Variants in ABCA13 observed in about 807,000 individuals in gnomAD.
ABCA13 encodes the protein ATP-binding cassette sub-family A member 13.
In ABCA13, 476 loss-of-function variants were observed where a neutral mutation model predicts 478.7. The observed-to-expected ratio is 0.99, with a 90% CI of 0.92 to 1.07. The LOEUF is 1.07. ABCA13 is among the 50% of genes least tolerant of loss of function. ABCA13 has a pLI of 0.00. For synonymous variants in ABCA13, 2,252 were observed against 2,158.9 expected (o/e 1.04, Z -1.20); for missense variants, 6,060 against 5,910.6 (o/e 1.03, Z -0.83).
At chr7:48,382,085 C>T (rs1814478354) in intron 35 of ABCA13, among the ~76,000 whole-genome samples, 1 of 152,112 alleles carries the variant, frequency 6.6e-6, no homozygotes, top group Non-Finnish European at 1.5e-5. Flanking sequence ...TTTTTCATAA[C>T]TCTGGAATGT....
chr7:48,511,200 G>A lies in ABCA13; in HGVS notation c.13640+1G>A. 1 of 1,607,516 alleles carries A rather than the reference G, an allele frequency of 6.2e-7. No homozygotes were observed. The highest frequency in any genetic ancestry group is 8.5e-7 in the Non-Finnish European group (1 of 1,176,800). On this transcript the variant is annotated splice_donor_variant, in intron 51 of 61. Transcript: ENST00000435803. LOFTEE classifies it high-confidence loss of function. ...CGGCCCTCCTGCTGTCACTTTTCGG[G>A]TATGTGATGAGAAACGCTGCTGCAG... is the stretch of plus-strand genomic sequence containing the variant.
chr7:48,291,768 T>G (rs1053182462), intron 20 of ABCA13, among the ~76,000 whole-genome samples: 2 of 152,104 alleles, frequency 1.3e-5, no homozygotes. Flanking sequence ...GCGGCTAACA[T>G]AGACAGCAGA....
At chr7:48,305,609 A>G (rs1237672077) in intron 23 of ABCA13, among the ~76,000 whole-genome samples, 1 of 151,878 alleles carries the variant, frequency 6.6e-6, no homozygotes, top group Admixed American at 6.6e-5. Flanking sequence ...TGCTTTCCCA[A>G]CCTCTGAGTC....
chr7:48,175,191 A>G (rs1794671680), intron 1 of ABCA13, among the ~76,000 whole-genome samples: 1 of 152,166 alleles, frequency 6.6e-6, no homozygotes, highest in Non-Finnish European at 1.5e-5. Context: ...CTAACTGTAA[A>G]TCAGTCTAAT....
At chr7:48,582,576 C>T (rs1419867328) in intron 56 of ABCA13, among the ~76,000 whole-genome samples, 1 of 152,128 alleles carries the variant, frequency 6.6e-6, no homozygotes, top group Non-Finnish European at 1.5e-5. Flanking sequence ...ATTGTAAGCT[C>T]TATGATTCTA....
chr7:48,583,560 T>A (rs79434718), intron 56 of ABCA13, among the ~76,000 whole-genome samples: 1,825 of 152,284 alleles, frequency 0.012, 14 homozygotes, highest in Non-Finnish European at 0.019. Flanking sequence ...GGGATTTCCA[T>A]CCCAGTGCAT....
At chr7:48,579,428 A>G (rs1241688313) in intron 55 of ABCA13, among the ~76,000 whole-genome samples, 1 of 152,252 alleles carries the variant, frequency 6.6e-6, no homozygotes, top group African/African-American at 2.4e-5. Context: ...CAATGCATCT[A>G]TATAGCTAAT....
intron 59 of ABCA13, among the ~76,000 whole-genome samples, chr7:48,616,135 T>G (rs528937194): frequency 3.3e-5 from 5 of 152,306 alleles, no homozygotes; most frequent in Admixed American, 3.3e-4. Flanking sequence ...ATTTATTCAG[T>G]GTTTTTAAGG....
intron 16 of ABCA13, among the ~76,000 whole-genome samples, chr7:48,269,503 A>T (rs1161443729): frequency 6.6e-6 from 1 of 152,184 alleles, no homozygotes; most frequent in Non-Finnish European, 1.5e-5. Flanking sequence ...TTGGAACTAA[A>T]TTTGTCGGAC....
chr7:48,314,222 A>G lies in ABCA13; in HGVS notation c.9682-10A>G, dbSNP rs367689917. 3.3e-5 allele frequency: 53 copies of G among 1,604,574 alleles called. No individual in the cohort carries two copies. The highest frequency in any genetic ancestry group is 2.6e-4 in the Admixed American group (15 of 57,274). ...TATGTAATTGCAATTTAGTTTTCTT[A>G]TTTTCTCAGGTTTCACAAAATGTCC... On this transcript the variant is annotated splice_polypyrimidine_tract_variant and intron_variant, in intron 25 of 61. Coordinates refer to ENST00000435803, the MANE Select transcript of ABCA13 (RefSeq NM_152701.5).
At chr7:48,624,533 G>GTTGTTGTTT (rs1014142931) in intron 59 of ABCA13, among the ~76,000 whole-genome samples, 1 of 11,842 alleles carries the variant, frequency 8.4e-5, no homozygotes, top group African/African-American at 4.2e-3. Context: ...TTTTGTTGTC[G>GTTGTTGTTT]TTGTTGTTGT....
intron 55 of ABCA13, among the ~76,000 whole-genome samples, chr7:48,551,510 C>T (rs1288393245): frequency 6.6e-6 from 1 of 151,490 alleles, no homozygotes; most frequent in Non-Finnish European, 1.5e-5. Flanking sequence ...TTAGATCTGT[C>T]CTTTTTCTCT....
At chr7:48,640,842 C>T (rs534787098) in intron 59 of ABCA13, among the ~76,000 whole-genome samples, 10 of 152,170 alleles carry the variant, frequency 6.6e-5, no homozygotes, top group East Asian at 5.8e-4. Flanking sequence ...TATAATTTTA[C>T]GTTTAGAAGT....
At chr7:48,466,074 G>C (rs1326004109) in intron 43 of ABCA13, among the ~76,000 whole-genome samples, 1 of 152,134 alleles carries the variant, frequency 6.6e-6, no homozygotes, top group Non-Finnish European at 1.5e-5. Context: ...ATAATGCAAT[G>C]TAAGTTCTGA....
chr7:48,602,937 T>C (rs936937955), intron 58 of ABCA13, among the ~76,000 whole-genome samples: 2 of 152,166 alleles, frequency 1.3e-5, no homozygotes, highest in African/African-American at 2.4e-5. Context: ...CTTGAAGAGG[T>C]ACTTCACATT....
At position 48,608,553 on chromosome 7, in the gene ABCA13, G is replaced by C. The variant is rs541596151; in HGVS notation, c.14745-6732G>C. ...GATACTGGAGGAATTGGCTTTTTCT[G>C]TTTGTTTGGCTCCCAAATAATCAGG... is the stretch of plus-strand genomic sequence containing the variant. On this transcript the variant is annotated intron_variant, in intron 58 of 61. Transcript: ENST00000435803. 2.8e-4 allele frequency among the ~76,000 whole-genome samples: 42 copies of C among 152,304 alleles called. No homozygotes were observed. The South Asian group carries it at 4.8e-3, about 17-fold the overall frequency.
At position 48,276,224 on chromosome 7, in the gene ABCA13, T is replaced by A; in HGVS notation, c.6558T>A (p.Leu2186=). ...SRAGNFDVAF[L]THLLNQEQLT... Reference sequence around the variant, plus strand: ...CAGGCAATTTTGATGTTGCCTTTCTTACCCATCTGCTAAATCAAGAACAGC... The same window carrying A: ...CAGGCAATTTTGATGTTGCCTTTCTAACCCATCTGCTAAATCAAGAACAGC... The change falls in exon 17 of 62, where the codon CTT becomes CTA. Residue 2186 remains leucine (L), a synonymous_variant. Coordinates refer to ENST00000435803, the MANE Select transcript of ABCA13 (RefSeq NM_152701.5). The A allele has an allele frequency of 2.5e-6, 4 of 1,579,220 alleles. No individual in the cohort carries two copies. Among genetic ancestry groups the A allele is most frequent in the Non-Finnish European group, 3.4e-6 (4 of 1,161,472 alleles).
intron 38 of ABCA13, among the ~76,000 whole-genome samples, chr7:48,401,588 A>G (rs979992614): frequency 4.6e-5 from 7 of 152,106 alleles, no homozygotes; most frequent in Admixed American, 2.0e-4. Context: ...TGATGCCCCT[A>G]CCTTTATACC....
At chr7:48,220,360 G>T (rs1474308337) in intron 4 of ABCA13, among the ~76,000 whole-genome samples, 1 of 152,120 alleles carries the variant, frequency 6.6e-6, no homozygotes, top group East Asian at 1.9e-4. Flanking sequence ...ACTTGGGTAA[G>T]AAATAATTTA....
Sources: gnomAD v4.1 joint callset for allele counts (sites outside exome capture counted in the v4.1 genomes callset) on GRCh38, gnomAD v4.1.1 for gene constraint, MANE v1.5 for transcripts, NCBI Gene and HGNC (gene_info 2026-07-23, HGNC 2026-07-21) for gene names.